Variants in GABRA2 observed in about 807,000 individuals in gnomAD.
GABRA2 encodes the protein gamma-aminobutyric acid type A receptor subunit alpha2.
GABRA2 carries 16 observed loss-of-function variants against 48.7 expected under a neutral mutation model. The ratio of observed to expected loss-of-function variants is 0.33; its 90% CI spans 0.22 to 0.50. The LOEUF (loss-of-function observed/expected upper bound fraction) is 0.50, where lower values mean the gene tolerates loss of function less well. GABRA2 is among the 20% of genes least tolerant of loss of function. The probability of loss-of-function intolerance (pLI) is 0.98; values close to 1 mark genes in which losing one functional copy is unlikely to be tolerated. For missense variants in GABRA2, 275 were observed against 535.6 expected (o/e 0.51, Z 4.80); for synonymous variants, 185 against 184.5 (o/e 1.00, Z -0.02).
In GABRA2 at chr4:46,250,127, G is replaced by C; in HGVS notation, c.*181C>G. The C allele has an allele frequency of 1.9e-6, 1 of 540,132 alleles. No homozygotes were observed. The highest frequency in any genetic ancestry group is 2.9e-5 in the South Asian group (1 of 34,492). The allele number at this position is 540,132 out of a possible 1,614,324, so 33.5% of individuals were successfully genotyped here. A position where few individuals can be genotyped will look rare whatever the true frequency, so the allele number is the denominator to read the frequency against. ...GCTGTTTTCGCATGGAGTGCTTTCT[G>C]TCTGCAGTTCCATGAGTTAGCAAAT... On this transcript the variant is annotated 3_prime_UTR_variant, in exon 10 of 10. Transcript: ENST00000381620.
intron 3 of GABRA2, among the ~76,000 whole-genome samples, chr4:46,342,475 A>T (rs1733404374): frequency 6.6e-6 from 1 of 151,398 alleles, no homozygotes. Context: ...CATGACCCAC[A>T]CAACACTTCA....
chr4:46,261,800 A>G lies in GABRA2; in HGVS notation c.1059+126T>C, dbSNP rs958310289. 7.2e-6 allele frequency: 6 copies of G among 830,710 alleles called. No homozygotes were observed. The Admixed American group carries it at 1.3e-4, about 18-fold the overall frequency. The allele number at this position is 830,710 out of a possible 1,614,324, so 51.5% of individuals were successfully genotyped here. ...TTCAGGCAAGAACACTTTAAAAGAA[A>G]TTGATATGATTCAAATTCATATATA... On this transcript the variant is annotated intron_variant, in intron 9 of 9. Transcript: ENST00000381620.
chr4:46,284,596 A>G (rs777423968), intron 8 of GABRA2, among the ~76,000 whole-genome samples: 1 of 152,194 alleles, frequency 6.6e-6, no homozygotes, highest in African/African-American at 2.4e-5. Flanking sequence ...AATGAAATAT[A>G]CCAGAAAATG....
chr4:46,375,742 G>A (rs1249383742), intron 3 of GABRA2, among the ~76,000 whole-genome samples: 7 of 152,172 alleles, frequency 4.6e-5, no homozygotes, highest in East Asian at 1.9e-4. Context: ...AGAGAAAGAA[G>A]AAACCAGTGC....
rs201403978 is a variant in GABRA2 at position 46,332,583 on chromosome 4, G to T, written c.255+32C>A. The T allele has an allele frequency of 8.5e-6, 11 of 1,291,626 alleles. No individual in the cohort carries two copies. In the African/African-American group the frequency reaches 1.2e-4, roughly 14 times the overall value. The allele number at this position is 1,291,626 out of a possible 1,614,324, so 80.0% of individuals were successfully genotyped here. A position where few individuals can be genotyped will look rare whatever the true frequency, so the allele number is the denominator to read the frequency against. The stretch of plus-strand genomic sequence containing the variant: ...AATTACCCCCCACTCCCCATTATGT[G>T]AAGTAAAAATACTATTTAATGAAAA... On this transcript the variant is annotated intron_variant, in intron 4 of 9. Transcript: ENST00000381620.
chr4:46,388,940 T>G (rs202021777), intron 1 of GABRA2: 4 of 1,319,876 alleles, frequency 3.0e-6, no homozygotes, highest in Non-Finnish European at 3.9e-6. Context: ...CTTTTTTTCT[T>G]TCTTTCTTTC....
At chr4:46,323,907 A>G (rs1268456445) in intron 4 of GABRA2, among the ~76,000 whole-genome samples, 1 of 151,944 alleles carries the variant, frequency 6.6e-6, no homozygotes, top group Non-Finnish European at 1.5e-5. Flanking sequence ...AAGAACAGGA[A>G]AAAACATGTG....
At chr4:46,329,493 ACGTTCCT>A (rs1730972728) in intron 4 of GABRA2, among the ~76,000 whole-genome samples, 2 of 152,060 alleles carry the variant, frequency 1.3e-5, no homozygotes, top group African/African-American at 4.8e-5. Context: ...CAGTAGCTGC[ACGTTCCT>A]GTAGCAGCAG....
intron 9 of GABRA2, among the ~76,000 whole-genome samples, chr4:46,259,356 G>T (rs1716493317): frequency 6.6e-6 from 1 of 151,802 alleles, no homozygotes; most frequent in African/African-American, 2.4e-5. Flanking sequence ...AGACTTTCTT[G>T]TCTAATTTCA....
At chr4:46,265,169 G>C (rs1399049188) in intron 8 of GABRA2, among the ~76,000 whole-genome samples, 1 of 149,470 alleles carries the variant, frequency 6.7e-6, no homozygotes, top group Admixed American at 6.7e-5. Flanking sequence ...CTGAGTAGCT[G>C]GGATTACAGG....
intron 3 of GABRA2, among the ~76,000 whole-genome samples, chr4:46,377,728 GT>G (rs1317035042): frequency 8.2e-6 from 1 of 121,404 alleles, no homozygotes. Flanking sequence ...CGGGAGGGAG[GT>G]GGGGGGGGTC....
intron 8 of GABRA2, among the ~76,000 whole-genome samples, chr4:46,295,075 A>T (rs183261298): frequency 2.2e-3 from 337 of 152,298 alleles, no homozygotes; most frequent in Non-Finnish European, 3.8e-3. Flanking sequence ...TTGACAAAGG[A>T]AGAGAAGACT....
intron 1 of GABRA2, chr4:46,389,257 C>G: frequency 1.0e-6 from 1 of 985,476 alleles, no homozygotes; most frequent in Middle Eastern, 5.2e-4. Context: ...CTCACGTCTT[C>G]TTTTCTTCAC....
intron 3 of GABRA2, among the ~76,000 whole-genome samples, chr4:46,379,590 G>A (rs1716480268): frequency 6.6e-6 from 1 of 152,080 alleles, no homozygotes; most frequent in Admixed American, 6.6e-5. Context: ...AGCATTAAAG[G>A]GCTCTGAAAT....
chr4:46,259,323 A>T (rs1716486300), intron 9 of GABRA2, among the ~76,000 whole-genome samples: 1 of 151,862 alleles, frequency 6.6e-6, no homozygotes, highest in Admixed American at 6.6e-5. Context: ...AATCTGATCC[A>T]GCACTGTATT....
intron 9 of GABRA2, among the ~76,000 whole-genome samples, chr4:46,252,774 C>G (rs1715050115): frequency 6.6e-6 from 1 of 151,398 alleles, no homozygotes; most frequent in Non-Finnish European, 1.5e-5. Flanking sequence ...ATTGAAACAT[C>G]ATTTAAAATG....
At chr4:46,363,423 G>A (rs774967398) in intron 3 of GABRA2, among the ~76,000 whole-genome samples, 3 of 152,044 alleles carry the variant, frequency 2.0e-5, no homozygotes, top group Non-Finnish European at 4.4e-5. Context: ...GAATAAAAAC[G>A]AGAGCAAGAA....
At chr4:46,368,860 A>G in intron 3 of GABRA2, 1 of 498,370 alleles carries the variant, frequency 2.0e-6, no homozygotes, top group Admixed American at 3.3e-5. Flanking sequence ...CCCTTCATAC[A>G]AGAAATGTGC....
intron 6 of GABRA2, among the ~76,000 whole-genome samples, chr4:46,307,922 A>AT (rs1726983411): frequency 6.6e-6 from 1 of 152,200 alleles, no homozygotes; most frequent in Non-Finnish European, 1.5e-5. Flanking sequence ...CACACATATA[A>AT]GCCGAGAGGT....
Sources: gnomAD v4.1 joint callset for allele counts (sites outside exome capture counted in the v4.1 genomes callset) on GRCh38, gnomAD v4.1.1 for gene constraint, MANE v1.5 for transcripts, NCBI Gene and HGNC (gene_info 2026-07-23, HGNC 2026-07-21) for gene names.